The following AP4B1 variants were observed in gnomAD, a reference collection of about 807,000 sequenced individuals.
AP4B1 encodes AP-4 complex subunit beta-1.
Under a neutral mutation model 76.5 loss-of-function variants are expected in AP4B1, and 49 were observed. That is an observed-to-expected ratio of 0.64 (90% CI 0.51 to 0.81). The LOEUF is 0.81. Ranked by LOEUF, AP4B1 falls within the 40% of genes least tolerant of loss-of-function variation. AP4B1 has a pLI of 0.00. For synonymous variants in AP4B1, 330 were observed against 333.3 expected, an observed-to-expected ratio of 0.99 and a Z score of 0.11; for missense variants, 911 against 904.9, an observed-to-expected ratio of 1.01 and a Z score of -0.09.
chr1:113,898,122 G>A (rs1667720080), intron 6 of AP4B1, 179 bp from the exon 7 acceptor site: 2 of 1,164,562 alleles, frequency 1.7e-6, no homozygotes, highest in East Asian at 2.6e-5. Context: ...TTTCTTGAAT[G>A]CATATTGCTC....
chr1:113,902,880 C>G lies in AP4B1; in HGVS notation c.114-18G>C, dbSNP rs753790986. ...TCATGTACCTGAACAACGCACATGA[C>G]AGAAGGAAGTAAAATGCAAAATCCC... is the stretch of plus-strand genomic sequence containing the variant. On this transcript the variant is annotated intron_variant, in intron 1 of 9. Coordinates refer to ENST00000369569, the MANE Select transcript of AP4B1 (RefSeq NM_001253852.3). The G allele has an allele frequency of 6.2e-7, 1 of 1,612,384 alleles. No individual in the cohort carries two copies. The highest frequency in any genetic ancestry group is 1.3e-5 in the African/African-American group (1 of 74,874).
At chr1:113,895,732 G>A (rs766364401) in intron 9 of AP4B1, 25 bp downstream of exon 9, 4 of 1,613,606 alleles carry the variant, frequency 2.5e-6, no homozygotes, top group Non-Finnish European at 3.4e-6. Flanking sequence ...ATCATGACAA[G>A]ATTTAAGGTA....
chr1:113,901,084 A>G, intron 4 of AP4B1, 152 bp downstream of exon 4: 1 of 1,131,894 alleles, frequency 8.8e-7, no homozygotes, highest in Non-Finnish European at 1.3e-6. Flanking sequence ...TCCAGCTTAG[A>G]CAACAAGAGC....
At chr1:113,902,041 G>T in intron 2 of AP4B1, 156 bp from the exon 3 acceptor site, 1 of 1,018,896 alleles carries the variant, frequency 9.8e-7, no homozygotes, top group Non-Finnish European at 1.5e-6. Flanking sequence ...GCCATAATTT[G>T]ACTTTTCTGT....
Position 113,896,013 on chromosome 1 carries a change from C to G in AP4B1, c.1536G>C (p.Arg512=). Reference sequence around the variant, plus strand: ...GGCGATAATAGAAGAGACCTCGGTCCCGTACAGCCATATCTTTTTCTTCCT... The same window carrying G: ...GGCGATAATAGAAGAGACCTCGGTCGCGTACAGCCATATCTTTTTCTTCCT... The part of the protein sequence containing the change: ...CIEEEKDMAV[R]DRGLFYYRLL... Residue 512 remains arginine (R), a synonymous_variant, in exon 9 of 10, where the codon CGG becomes CGC. Transcript: ENST00000369569. 6.2e-7 allele frequency: 1 copy of G among 1,614,156 alleles called. No individual in the cohort carries two copies. Among genetic ancestry groups the G allele is most frequent in the East Asian group, 2.2e-5 (1 of 44,884 alleles).
chr1:113,895,524 G>A (rs941425673), intron 9 of AP4B1, 32 bp from the exon 10 acceptor site: 4 of 1,612,472 alleles, frequency 2.5e-6, no homozygotes, highest in Non-Finnish European at 3.4e-6. Context: ...TGTGAAAGAT[G>A]TTCTTAATCT....
Position 113,904,793 on chromosome 1 carries a change from C to A in AP4B1, c.-76G>T. Reference sequence around the variant, plus strand: ...GCTCCTTCTCGTCCTGATGTGGGAGCCTGAGTAAAGGAAATATGAGTCAGT... The same window carrying A: ...GCTCCTTCTCGTCCTGATGTGGGAGACTGAGTAAAGGAAATATGAGTCAGT... On this transcript the variant is annotated 5_prime_UTR_variant, in exon 1 of 10. Transcript: ENST00000369569. 3 of 1,255,064 alleles carry A rather than the reference C, an allele frequency of 2.4e-6. No homozygotes were observed. Among genetic ancestry groups the A allele is most frequent in the Non-Finnish European group, 3.5e-6 (3 of 855,622 alleles). 77.7% of individuals were successfully genotyped at this position (1,255,064 alleles called of 1,614,324 possible).
At chr1:113,901,410 TAAAG>T in intron 3 of AP4B1, 27 bp from the exon 4 acceptor site, 1 of 1,610,602 alleles carries the variant, frequency 6.2e-7, no homozygotes, top group Non-Finnish European at 8.5e-7. Flanking sequence ...AGTTCTTAGA[TAAAG>T]AAGGAAAGCT....
At chr1:113,901,176 T>C in intron 4 of AP4B1, 60 bp downstream of exon 4, 2 of 1,593,620 alleles carry the variant, frequency 1.3e-6, no homozygotes, top group South Asian at 1.1e-5. Context: ...CTTTAATACA[T>C]CAACAAGATC....
Position 113,901,869 on chromosome 1 carries a change from C to T in AP4B1, c.355G>A (p.Glu119Lys), listed in dbSNP as rs1337718684. ...MCSLRMPGVQ[E>K]YIQQPILNGL... ...TTGAGAATAGGCTGTTGTATATACT[C>T]CTGCACACCAGGCATCCTAAGCAAC... Residue 119 changes from glutamate to lysine, a missense_variant, in exon 3 of 10, where the codon GAG (glutamate) becomes AAG (lysine). By Grantham distance (56) the Glu-to-Lys change is moderately conservative. Coordinates refer to ENST00000369569, the MANE Select transcript of AP4B1 (RefSeq NM_001253852.3). 6.2e-7 allele frequency: 1 copy of T among 1,614,132 alleles called. No individual in the cohort carries two copies. The highest frequency in any genetic ancestry group is 8.5e-7 in the Non-Finnish European group (1 of 1,180,008).
Position 113,899,954 on chromosome 1 carries a change from T to C in AP4B1, c.1064A>G (p.Tyr355Cys), listed in dbSNP as rs776813769. ...VQQVLEELRGYCTDVSADFAQ... is the reference protein window; with the variant it reads ...VQQVLEELRGCCTDVSADFAQ... ...AAAGTCCGCAGACACATCCGTGCAG[T>C]ACCCTCGAAGCTCCTCTAGCACCTG... is the stretch of plus-strand genomic sequence containing the variant. Residue 355 changes from tyrosine (Y) to cysteine (C), a missense_variant, in exon 5 of 10, where the codon TAC becomes TGC. Transcript: ENST00000369569. 3 of 1,614,072 alleles carry C rather than the reference T, an allele frequency of 1.9e-6. No individual in the cohort carries two copies. In the African/African-American group the frequency reaches 4.0e-5, roughly 22 times the overall value.
chr1:113,901,172 T>C (rs916118307), intron 4 of AP4B1, 64 bp downstream of exon 4: 9 of 1,584,304 alleles, frequency 5.7e-6, no homozygotes, highest in Middle Eastern at 1.7e-4. Flanking sequence ...AATACTTTAA[T>C]ACATCAACAA....
At chr1:113,901,103 G>C in intron 4 of AP4B1, 133 bp downstream of exon 4, 2 of 1,287,212 alleles carry the variant, frequency 1.6e-6, no homozygotes, top group Non-Finnish European at 2.2e-6. Flanking sequence ...GCAAAACTCC[G>C]TCTCAAATAA....
rs767679115 is a variant in AP4B1, at chr1:113,895,420, G to A, written c.1865C>T (p.Pro622Leu). Residue 622 changes from proline to leucine, a missense_variant, in exon 10 of 10, where the codon CCC becomes CTC. Physicochemically the swap from Pro to Leu is moderately conservative, Grantham distance 98 (BLOSUM62 -3). Coordinates refer to ENST00000369569, the MANE Select transcript of AP4B1 (RefSeq NM_001253852.3). The stretch of plus-strand genomic sequence containing the variant: ...ATAATCAGCAGTAAGCTGGCGATTG[G>A]GGACTAGCATGAGGGCTCCAGAATC... ...LPDSGALMLV[P>L]NRQLTADYFE... The A allele has an allele frequency of 1.3e-4, 205 of 1,614,088 alleles. No homozygotes were observed. The highest frequency in any genetic ancestry group is 1.6e-4 in the Non-Finnish European group (189 of 1,180,048).
At position 113,901,088 on chromosome 1, in the gene AP4B1, CAA is replaced by C. The variant is rs1668189081; in HGVS notation, c.617+146_617+147del. On this transcript the variant is annotated intron_variant, in intron 4 of 9. Coordinates refer to ENST00000369569, the MANE Select transcript of AP4B1 (RefSeq NM_001253852.3). ...CGCCATTGCACTCCAGCTTAGACAACAAGAGCAAAACTCCGTCTCAAATAATA... is the reference window on the plus strand; with the variant it reads ...CGCCATTGCACTCCAGCTTAGACAACGAGCAAAACTCCGTCTCAAATAATA... The C allele has an allele frequency of 2.5e-5, 30 of 1,181,192 alleles. No homozygotes were observed. The South Asian group carries it at 3.6e-4, about 14-fold the overall frequency. The allele number at this position is 1,181,192 out of a possible 1,614,324, so 73.2% of individuals were successfully genotyped here.
chr1:113,900,336 G>T lies in AP4B1; in HGVS notation c.682C>A (p.Arg228Ser). 1 of 1,610,886 alleles carries T rather than the reference G, an allele frequency of 6.2e-7. No individual in the cohort carries two copies. Reference sequence around the variant, plus strand: ...ATGTCAAATAGTTCTTCCTCACTGCGGGGTTGGTAGCGTAGCAGAAAGTTC... The same window carrying T: ...ATGTCAAATAGTTCTTCCTCACTGCTGGGTTGGTAGCGTAGCAGAAAGTTC... ...VLNFLLRYQP[R>S]SEEELFDILN... The change falls in exon 5 of 10, where the codon CGC becomes AGC. Residue 228 changes from arginine (R) to serine (S), a missense_variant. Arg to Ser is a moderately radical substitution (Grantham distance 110). Transcript: ENST00000369569.
chr1:113,897,870 G>A lies in AP4B1; in HGVS notation c.1272C>T (p.Pro424=), dbSNP rs759742089. The change falls in exon 7 of 10, where the codon CCC becomes CCT. Residue 424 remains proline, a synonymous_variant. Coordinates refer to ENST00000369569, the MANE Select transcript of AP4B1 (RefSeq NM_001253852.3). ...QCTEAVCQAL[P]GCEENIQDSE... The stretch of plus-strand genomic sequence containing the variant: ...TATCTTGAATGTTCTCTTCACAGCC[G>A]GGCAGGGCCTGACATACAGCTTCAG... 1.1e-5 allele frequency: 18 copies of A among 1,613,936 alleles called. No individual in the cohort carries two copies. The highest frequency in any genetic ancestry group is 9.3e-5 in the African/African-American group (7 of 74,872).
Position 113,900,168 on chromosome 1 carries a change from C to G in AP4B1, c.850G>C (p.Ala284Pro), listed in dbSNP as rs1171914720. The change falls in exon 5 of 10, where the codon GCC (alanine) becomes CCC (proline). Residue 284 changes from alanine (A) to proline (P), a missense_variant. By Grantham distance (27) the Ala-to-Pro change is conservative. Coordinates refer to ENST00000369569, the MANE Select transcript of AP4B1 (RefSeq NM_001253852.3). The part of the protein sequence containing the change: ...LVRVKGPLLA[A>P]CSSESRELCF... ...AGCTCACGGCTCTCTGAAGAACAGG[C>G]AGCTAGCAAAGGTCCCTTGACCCGC... 1 of 1,614,204 alleles carries G rather than the reference C, an allele frequency of 6.2e-7. No homozygotes were observed. The highest frequency in any genetic ancestry group is 1.7e-5 in the Admixed American group (1 of 60,016).
In AP4B1 at chr1:113,894,977, T is replaced by C; in HGVS notation, c.*88A>G. On this transcript the variant is annotated 3_prime_UTR_variant, in exon 10 of 10. Coordinates refer to ENST00000369569, the MANE Select transcript of AP4B1 (RefSeq NM_001253852.3). ...TTTCCACTCTCCTTTGTATCTGATA[T>C]TATCTGGACTTACTGGCAGCTCTAA... The C allele has an allele frequency of 7.3e-7, 1 of 1,369,434 alleles. No individual in the cohort carries two copies. The highest frequency in any genetic ancestry group is 1.3e-5 in the South Asian group (1 of 76,866). The allele number at this position is 1,369,434 out of a possible 1,614,324, so 84.8% of individuals were successfully genotyped here.
Sources: allele counts gnomAD v4.1 joint callset, GRCh38; gene constraint gnomAD v4.1.1; transcripts MANE v1.5; gene names NCBI Gene and HGNC (gene_info 2026-07-23, HGNC 2026-07-21).